Variants in ELMO1 observed in about 807,000 individuals in gnomAD.
The protein encoded by ELMO1 is engulfment and cell motility protein 1.
A neutral mutation model predicts 98.9 loss-of-function variants in ELMO1; 26 were observed. That is an observed-to-expected ratio of 0.26 (90% CI 0.19 to 0.36). The LOEUF (loss-of-function observed/expected upper bound fraction) is 0.36. Among genes scored for constraint, ELMO1 ranks in the 10% least tolerant of loss-of-function variants. ELMO1 has a pLI of 1.00. For synonymous variants in ELMO1, 346 were observed against 346.0 expected, an observed-to-expected ratio of 1.00 and a Z score of 0.00; for missense variants, 627 against 935.2, an observed-to-expected ratio of 0.67 and a Z score of 4.30.
chr7:37,276,452 CA>C (rs891206132), intron 4 of ELMO1, among the ~76,000 whole-genome samples: 9 of 150,836 alleles, frequency 6.0e-5, no homozygotes, highest in African/African-American at 1.9e-4. Context: ...ACCAAAAATA[CA>C]AAAAAAAATT....
intron 16 of ELMO1, among the ~76,000 whole-genome samples, chr7:36,991,422 G>GA (rs1197793405): frequency 2.0e-5 from 3 of 152,228 alleles, no homozygotes; most frequent in Non-Finnish European, 1.5e-5. Context: ...CTGGCTCAGT[G>GA]AAACTACTTT....
chr7:37,178,358 C>T (rs2129941760), intron 13 of ELMO1, among the ~76,000 whole-genome samples: 1 of 151,922 alleles, frequency 6.6e-6, no homozygotes, highest in Non-Finnish European at 1.5e-5. Context: ...GAAACTGCCC[C>T]CATGATTCAA....
chr7:37,152,560 C>A lies in ELMO1; in HGVS notation c.1087-19326G>T, dbSNP rs1334500398. ...CAATGATCAAATATACCTATGTGTGCATGTGTGTGGATGAGTGTGTACGTG... is the reference window on the plus strand; with the variant it reads ...CAATGATCAAATATACCTATGTGTGAATGTGTGTGGATGAGTGTGTACGTG... On this transcript the variant is annotated intron_variant, in intron 13 of 21. Transcript: ENST00000310758. Among the ~76,000 whole-genome samples the A allele has an allele frequency of 2.0e-5, 3 of 151,712 alleles. No homozygotes were observed. In the South Asian group the frequency reaches 6.2e-4, roughly 31 times the overall value.
intron 16 of ELMO1, among the ~76,000 whole-genome samples, chr7:36,931,765 A>G (rs879886498): frequency 1.3e-5 from 2 of 152,198 alleles, no homozygotes; most frequent in Admixed American, 6.5e-5. Context: ...CACAAATCCA[A>G]TGCTTGAGCT....
At chr7:37,135,398 GAT>G (rs1447280707) in intron 13 of ELMO1, among the ~76,000 whole-genome samples, 2 of 152,144 alleles carry the variant, frequency 1.3e-5, no homozygotes, top group African/African-American at 4.8e-5. Flanking sequence ...GAAGGAACTG[GAT>G]CACCACCGCA....
At chr7:36,996,867 G>A (rs1368117747) in intron 16 of ELMO1, among the ~76,000 whole-genome samples, 2 of 152,176 alleles carry the variant, frequency 1.3e-5, no homozygotes, top group Admixed American at 6.5e-5. Flanking sequence ...TATGACTAAC[G>A]ATAGGTTAGT....
At chr7:37,121,079 G>A (rs989534462) in intron 14 of ELMO1, among the ~76,000 whole-genome samples, 4 of 152,156 alleles carry the variant, frequency 2.6e-5, no homozygotes, top group Non-Finnish European at 5.9e-5. Flanking sequence ...CTGTTAGAAG[G>A]AAAACTAACA....
chr7:37,223,015 T>C (rs963221430), intron 9 of ELMO1, among the ~76,000 whole-genome samples: 1 of 152,206 alleles, frequency 6.6e-6, no homozygotes, highest in Non-Finnish European at 1.5e-5. Context: ...AATAGATGTA[T>C]GTATGTCTGT....
At chr7:37,411,720 G>C (rs1804002160) in intron 1 of ELMO1, among the ~76,000 whole-genome samples, 1 of 152,074 alleles carries the variant, frequency 6.6e-6, no homozygotes, top group African/African-American at 2.4e-5. Context: ...ATTTTTTCCT[G>C]ATCTGGTTCA....
chr7:37,253,690 C>A (rs6944751), intron 6 of ELMO1, among the ~76,000 whole-genome samples: 47,091 of 148,200 alleles, frequency 0.32, 7,546 homozygotes, highest in Middle Eastern at 0.42. Flanking sequence ...CAAACCTGCA[C>A]GTTCTGCACA....
chr7:37,213,202 A>C, intron 12 of ELMO1, 133 bp downstream of exon 12: 5 of 1,179,398 alleles, frequency 4.2e-6, no homozygotes, highest in Non-Finnish European at 5.8e-6. Flanking sequence ...CATGCCCCTA[A>C]GTTCTGAGAT....
rs138044869 is a variant in ELMO1 at position 37,340,524 on chromosome 7, G to C, written c.78+2089C>G. 7.2e-4 allele frequency among the ~76,000 whole-genome samples: 110 copies of C among 152,316 alleles called. 1 individual carries two copies. The highest frequency in any genetic ancestry group is 2.6e-3 in the African/African-American group (108 of 41,572). ...TATCCCTGGATTGGATCCTCGAACA[G>C]AATAAGGACATTAGTGGAAAATCCG... On this transcript the variant is annotated intron_variant, in intron 2 of 21. Coordinates refer to ENST00000310758, the MANE Select transcript of ELMO1 (RefSeq NM_014800.11).
intron 2 of ELMO1, among the ~76,000 whole-genome samples, chr7:37,321,308 G>A (rs944609443): frequency 4.6e-5 from 7 of 152,122 alleles, no homozygotes; most frequent in African/African-American, 1.2e-4. Flanking sequence ...AAAAGGTTAC[G>A]TAAGGTACGT....
intron 16 of ELMO1, among the ~76,000 whole-genome samples, chr7:36,903,655 A>G (rs1783748226): frequency 6.6e-6 from 1 of 152,212 alleles, no homozygotes; most frequent in South Asian, 2.1e-4. Flanking sequence ...GGGGAGGTGC[A>G]TGCACAGCTA....
At chr7:37,195,273 C>T (rs755928088) in intron 13 of ELMO1, among the ~76,000 whole-genome samples, 8 of 152,172 alleles carry the variant, frequency 5.3e-5, no homozygotes, top group African/African-American at 1.9e-4. Context: ...TTGGCTTCTC[C>T]GATTCATCTT....
At chr7:37,268,450 A>G (rs1796374723) in intron 5 of ELMO1, among the ~76,000 whole-genome samples, 1 of 152,116 alleles carries the variant, frequency 6.6e-6, no homozygotes, top group African/African-American at 2.4e-5. Flanking sequence ...ACAGGTGCCC[A>G]CCACCATTCT....
intron 13 of ELMO1, among the ~76,000 whole-genome samples, chr7:37,158,874 A>G (rs1296742138): frequency 2.0e-5 from 3 of 152,242 alleles, no homozygotes; most frequent in African/African-American, 7.2e-5. Flanking sequence ...TTGTGGCACT[A>G]TTCGCAATAG....
At chr7:37,406,139 T>C (rs1803748190) in intron 1 of ELMO1, among the ~76,000 whole-genome samples, 1 of 152,200 alleles carries the variant, frequency 6.6e-6, no homozygotes, top group South Asian at 2.1e-4. Context: ...GCTTGAGTAC[T>C]CACGCTGGTT....
At chr7:37,047,492 C>A (rs1008504598) in intron 15 of ELMO1, among the ~76,000 whole-genome samples, 1 of 152,246 alleles carries the variant, frequency 6.6e-6, no homozygotes, top group Non-Finnish European at 1.5e-5. Context: ...CCCAGCAGGG[C>A]AGGTTCAGCT....
Sources: allele counts gnomAD v4.1 joint callset (sites outside exome capture counted in the v4.1 genomes callset), GRCh38; gene constraint gnomAD v4.1.1; transcripts MANE v1.5; gene names NCBI Gene and HGNC (gene_info 2026-07-23, HGNC 2026-07-21).